The following SEMA4G variants were observed in gnomAD, a reference collection of about 807,000 sequenced individuals.
The protein encoded by SEMA4G is semaphorin 4G.
In SEMA4G, 59 loss-of-function variants were observed where a neutral mutation model predicts 81.2. The ratio of observed to expected loss-of-function variants is 0.73; its 90% CI spans 0.59 to 0.90. SEMA4G has a LOEUF of 0.90. Among genes scored for constraint, SEMA4G ranks in the 40% least tolerant of loss-of-function variants. The pLI is 0.00. For synonymous variants in SEMA4G, 404 were observed against 433.9 expected (o/e 0.93, Z 0.86); for missense variants, 952 against 1,102.3 (o/e 0.86, Z 1.93).
In SEMA4G at chr10:100,978,512, A is replaced by C. The variant is rs1399820635; in HGVS notation, c.530-15A>C. 4 of 1,611,594 alleles carry C rather than the reference A, an allele frequency of 2.5e-6. No homozygotes were observed. The highest frequency in any genetic ancestry group is 1.7e-5 in the Admixed American group (1 of 60,012). On this transcript the variant is annotated splice_polypyrimidine_tract_variant and intron_variant, in intron 5 of 13. Transcript: ENST00000370250. ...ATATGACATGTCTCTCATGCCTGGA[A>C]TATCCCCACGCCAGATGGAGGCCTC... is the stretch of plus-strand genomic sequence containing the variant.
downstream of SEMA4G, chr10:100,984,866 C>T (rs1471688492): frequency 2.0e-5 from 30 of 1,489,474 alleles, no homozygotes; most frequent in Non-Finnish European, 2.4e-5. Context: ...AGCCTCCCCA[C>T]TCTCCTTGGT....
chr10:100,974,994 T>C (rs1387710835), intron 3 of SEMA4G: 8 of 530,774 alleles, frequency 1.5e-5, no homozygotes, highest in Non-Finnish European at 3.1e-5. Context: ...TGGGCCAAGG[T>C]GGGCCAGGGG....
rs1457264028 is a variant in SEMA4G, at chr10:100,980,327, T to C, written c.1334T>C (p.Leu445Pro). 1.2e-6 allele frequency: 2 copies of C among 1,613,870 alleles called. No homozygotes were observed. The highest frequency in any genetic ancestry group is 1.7e-6 in the Non-Finnish European group (2 of 1,179,844). ...ACGCCTGCTGGACCTACCTATGACC[T>C]GCTCTTTCTGGGCACAGGTGCTTCT... The change falls in exon 10 of 14, where the codon CTG (leucine) becomes CCG (proline). Residue 445 changes from leucine (L) to proline (P), a missense_variant. By Grantham distance (98) the Leu-to-Pro change is moderately conservative. Around this residue, in one of 3 missense-constraint regions of SEMA4G, gnomAD observed 131 missense variants for 200.7 expected, o/e 0.65. Transcript: ENST00000370250.
chr10:100,979,383 A>T (rs1850946092), intron 8 of SEMA4G, 112 bp downstream of exon 9: 2 of 1,587,314 alleles, frequency 1.3e-6, no homozygotes, highest in South Asian at 2.3e-5. Context: ...CTGCAAAGTG[A>T]GAATTTTTTT....
chr10:100,974,750 G>T (rs1042469575), intron 3 of SEMA4G, among the ~76,000 whole-genome samples: 4 of 152,094 alleles, frequency 2.6e-5, no homozygotes, highest in African/African-American at 9.7e-5. Flanking sequence ...TCCAGCTAAA[G>T]AATAGGGTGT....
chr10:100,979,940 C>G (rs1339531318), exon 9 of SEMA4G: 1 of 1,613,942 alleles, frequency 6.2e-7, no homozygotes. Flanking sequence ...CAGGATGGTT[C>G]CCGGCGCTGG....
At chr10:100,979,122 G>C (rs961966703) in exon 8 of SEMA4G, 3 of 1,614,174 alleles carry the variant, frequency 1.9e-6, no homozygotes, top group Non-Finnish European at 2.5e-6. Context: ...GAGGGAAGAA[G>C]ATCCTGCAGA....
Position 100,980,843 on chromosome 10 carries a change from C to A in SEMA4G, c.1489C>A (p.Pro497Thr), listed in dbSNP as rs762570919. 18 of 1,589,858 alleles carry A rather than the reference C, an allele frequency of 1.1e-5. 1 individual carries two copies. The Admixed American group carries it at 1.6e-4, about 15-fold the overall frequency. ...CCAGCACAGCCTCTATGTGGGGGCT[C>A]CTAGCGGAGTCATCCAGCTACCACT... is the stretch of plus-strand genomic sequence containing the variant. Residue 497 changes from proline to threonine, a missense_variant, in exon 12 of 14, where the codon CCT (proline) becomes ACT (threonine). Transcript: ENST00000370250.
At position 100,981,127 on chromosome 10, in the gene SEMA4G, C is replaced by A. The variant is rs773023442; in HGVS notation, c.1629-41C>A. 4.3e-6 allele frequency: 7 copies of A among 1,609,618 alleles called. No homozygotes were observed. In the South Asian group the frequency reaches 7.7e-5, roughly 18 times the overall value. ...CTACCCTTTCACTGGGAAACTGAAA[C>A]CCAGTTCCCCTTGTTCATAAAACCT... On this transcript the variant is annotated intron_variant, in intron 12 of 13. Coordinates refer to ENST00000370250, the Ensembl canonical transcript of SEMA4G.
intron 13 of SEMA4G, among the ~76,000 whole-genome samples, 171 bp from the exon 15 acceptor site, chr10:100,983,134 G>T (rs1025841708): frequency 6.6e-6 from 1 of 152,220 alleles, no homozygotes; most frequent in African/African-American, 2.4e-5. Context: ...TTCCTGGGAA[G>T]GGCCAACGTG....
At chr10:100,980,556 C>T (rs1851017478) in intron 10 of SEMA4G, 22 bp from the exon 12 acceptor site, 1 of 1,599,952 alleles carries the variant, frequency 6.3e-7, no homozygotes, top group Non-Finnish European at 8.6e-7. Flanking sequence ...TGGGGTCTAA[C>T]TCTCTGCTCT....
chr10:100,978,337 AAGG>A (rs768692347), exon 5 of SEMA4G: 7 of 1,613,500 alleles, frequency 4.3e-6, no homozygotes, highest in African/African-American at 4.0e-5. Context: ...CGAGGAGGGG[AAGG>A]AGAAGTGTCC....
chr10:100,983,950 A>G (rs908616884), exon 14 of SEMA4G: 15 of 1,561,878 alleles, frequency 9.6e-6, no homozygotes, highest in Non-Finnish European at 1.2e-5. Flanking sequence ...GAGCTGACCA[A>G]TGGCTTGGTG....
exon 14 of SEMA4G, chr10:100,984,418 C>G (rs1851317105): frequency 1.4e-5 from 21 of 1,473,728 alleles, no homozygotes; most frequent in Non-Finnish European, 1.9e-5. Context: ...ATCCCCTAAC[C>G]TAAACACTTA....
intron 3 of SEMA4G, among the ~76,000 whole-genome samples, chr10:100,976,344 C>T (rs546974592): frequency 1.3e-5 from 2 of 152,088 alleles, no homozygotes; most frequent in East Asian, 1.9e-4. Flanking sequence ...ACTGATGAGC[C>T]GATACAGTGG....
chr10:100,974,741 C>T (rs1422206894), intron 3 of SEMA4G, among the ~76,000 whole-genome samples: 1 of 152,158 alleles, frequency 6.6e-6, no homozygotes, highest in Non-Finnish European at 1.5e-5. Flanking sequence ...TCAGCCCTTT[C>T]CAGCTAAAGA....
At chr10:100,969,828 G>A, upstream of SEMA4G, 1 of 451,540 alleles carries the variant, frequency 2.2e-6, no homozygotes, top group South Asian at 1.6e-5. Context: ...AGGGGGCCGC[G>A]TGGCGAACAG....
intron 3 of SEMA4G, chr10:100,975,119 T>C (rs756744275): frequency 2.0e-6 from 1 of 493,574 alleles, no homozygotes; most frequent in South Asian, 1.5e-5. Flanking sequence ...AACCAGGTCA[T>C]GGAAGGCCAC....
chr10:100,977,841 T>A (rs867536725), intron 4 of SEMA4G, 111 bp downstream of exon 5: 3 of 926,346 alleles, frequency 3.2e-6, no homozygotes, highest in African/African-American at 3.2e-5. Context: ...GATGGTTTAT[T>A]AAGGGGACTT....
Sources: allele counts gnomAD v4.1 joint callset (sites outside exome capture counted in the v4.1 genomes callset), GRCh38; gene constraint gnomAD v4.1.1; regional missense constraint gnomAD v4.1.1; transcripts MANE v1.5; gene names NCBI Gene and HGNC (gene_info 2026-07-23, HGNC 2026-07-21).